Variants in CNBD1 observed in about 807,000 individuals in gnomAD.
The protein encoded by CNBD1 is cyclic nucleotide-binding domain-containing protein 1.
In CNBD1, 71 loss-of-function variants were observed where a neutral mutation model predicts 54.4. That is an observed-to-expected ratio of 1.30 (90% CI 1.08 to 1.59). The LOEUF is 1.59. CNBD1 is among the 40% of genes most tolerant of loss of function. The pLI, the probability that CNBD1 is intolerant of heterozygous loss-of-function variation, is 0.00. For missense variants in CNBD1, 659 were observed against 518.0 expected (o/e 1.27, Z -2.64); for synonymous variants, 182 against 170.7 (o/e 1.07, Z -0.51).
At chr8:86,919,300 T>G (rs1002351978) in intron 3 of CNBD1, among the ~76,000 whole-genome samples, 1 of 152,160 alleles carries the variant, frequency 6.6e-6, no homozygotes, top group African/African-American at 2.4e-5. Flanking sequence ...AACAGTTTAT[T>G]TGAGCAAAGA....
intron 6 of CNBD1, among the ~76,000 whole-genome samples, chr8:87,250,177 A>G (rs949893848): frequency 4.6e-5 from 7 of 152,232 alleles, no homozygotes; most frequent in Non-Finnish European, 8.8e-5. Flanking sequence ...CTGAATAGCC[A>G]TTTCTCGAAA....
chr8:87,021,026 A>G (rs1809477564), intron 4 of CNBD1, among the ~76,000 whole-genome samples: 1 of 152,198 alleles, frequency 6.6e-6, no homozygotes, highest in Non-Finnish European at 1.5e-5. Context: ...AAATTTCCCT[A>G]TAGCCTGGAA....
chr8:87,343,562 T>A (rs1810111823), intron 8 of CNBD1, among the ~76,000 whole-genome samples: 1 of 152,200 alleles, frequency 6.6e-6, no homozygotes, highest in East Asian at 1.9e-4. Flanking sequence ...AACTATACTC[T>A]TGTCAACATC....
At chr8:87,293,082 C>T (rs1425926339) in intron 8 of CNBD1, among the ~76,000 whole-genome samples, 1 of 152,088 alleles carries the variant, frequency 6.6e-6, no homozygotes, top group East Asian at 1.9e-4. Flanking sequence ...TTCATTCTAC[C>T]AATGGTCTCC....
chr8:86,887,731 G>A (rs1037007032), intron 2 of CNBD1, 120 bp downstream of exon 2: 15 of 674,506 alleles, frequency 2.2e-5, no homozygotes, highest in African/African-American at 1.8e-4. Flanking sequence ...TTATCACACA[G>A]ATAAAAACAG....
chr8:87,302,986 A>C (rs1011863849), intron 8 of CNBD1, among the ~76,000 whole-genome samples: 1 of 151,710 alleles, frequency 6.6e-6, no homozygotes, highest in South Asian at 2.1e-4. Context: ...GAAATAAAAG[A>C]GGATACAAAC....
intron 4 of CNBD1, among the ~76,000 whole-genome samples, chr8:87,079,878 A>G (rs1810950857): frequency 6.6e-6 from 1 of 152,144 alleles, no homozygotes; most frequent in Non-Finnish European, 1.5e-5. Context: ...TTTGTGTTGT[A>G]ATTAAGAAAT....
chr8:87,008,025 T>A (rs1809138004), intron 4 of CNBD1, among the ~76,000 whole-genome samples: 1 of 152,218 alleles, frequency 6.6e-6, no homozygotes, highest in Non-Finnish European at 1.5e-5. Flanking sequence ...ATTGTTTTCA[T>A]ACGGATTTTA....
intron 4 of CNBD1, among the ~76,000 whole-genome samples, chr8:87,098,661 T>A (rs1811363778): frequency 6.6e-6 from 1 of 152,012 alleles, no homozygotes; most frequent in African/African-American, 2.4e-5. Context: ...TTTGATTTAT[T>A]CATTTGTTAA....
intron 4 of CNBD1, among the ~76,000 whole-genome samples, chr8:87,059,138 C>T (rs770806788): frequency 4.6e-5 from 7 of 152,178 alleles, no homozygotes; most frequent in Non-Finnish European, 8.8e-5. Context: ...TTTCTCATCT[C>T]CATCTGAGAC....
intron 4 of CNBD1, among the ~76,000 whole-genome samples, chr8:87,188,976 G>C (rs948109466): frequency 1.3e-5 from 2 of 151,888 alleles, no homozygotes; most frequent in African/African-American, 4.8e-5. Flanking sequence ...ATTTCCAACA[G>C]AATGGTGTTC....
intron 2 of CNBD1, among the ~76,000 whole-genome samples, chr8:87,390,607 A>T (rs531528064): frequency 6.6e-6 from 1 of 152,152 alleles, no homozygotes; most frequent in Non-Finnish European, 1.5e-5. Context: ...GCTGGAGAGG[A>T]TGTGGAGAAA....
intron 6 of CNBD1, among the ~76,000 whole-genome samples, chr8:87,251,011 AG>A (rs1468777182): frequency 7.3e-6 from 1 of 137,416 alleles, no homozygotes; most frequent in African/African-American, 2.5e-5. Flanking sequence ...AAACAATAAA[AG>A]CTTGAGGTGA....
chr8:87,226,025 C>T (rs1195369235), intron 5 of CNBD1, among the ~76,000 whole-genome samples: 7 of 151,434 alleles, frequency 4.6e-5, no homozygotes, highest in African/African-American at 7.3e-5. Flanking sequence ...AGTTTATTTG[C>T]GTAGAGGTGT....
intron 6 of CNBD1, among the ~76,000 whole-genome samples, chr8:87,284,320 CAT>C (rs1384758903): frequency 1.3e-5 from 2 of 152,014 alleles, no homozygotes; most frequent in Non-Finnish European, 2.9e-5. Flanking sequence ...ATACTACCAA[CAT>C]GTGATAATAA....
chr8:87,243,539 A>G (rs1317398645), intron 6 of CNBD1, among the ~76,000 whole-genome samples: 1 of 152,156 alleles, frequency 6.6e-6, no homozygotes, highest in Non-Finnish European at 1.5e-5. Flanking sequence ...TCATTATCCA[A>G]CATTCTTCAC....
intron 2 of CNBD1, among the ~76,000 whole-genome samples, chr8:86,892,239 G>A (rs1808778778): frequency 6.6e-6 from 1 of 151,878 alleles, no homozygotes; most frequent in African/African-American, 2.4e-5. Flanking sequence ...TCCTTCTGTT[G>A]AGGGTTTTTA....
At chr8:87,351,576 TACTA>T (rs2130927949) in intron 8 of CNBD1, 105 bp from the exon 9 acceptor site, 1 of 1,027,082 alleles carries the variant, frequency 9.7e-7, no homozygotes, top group Admixed American at 4.0e-5. Context: ...TTAAGAAACT[TACTA>T]TTAATAGTTA....
chr8:87,012,364 A>G (rs1809241243), intron 4 of CNBD1, among the ~76,000 whole-genome samples: 1 of 152,202 alleles, frequency 6.6e-6, no homozygotes, highest in Non-Finnish European at 1.5e-5. Flanking sequence ...AATTCTCATC[A>G]GATGGGTTTT....
Sources: gnomAD v4.1 joint callset for allele counts (sites outside exome capture counted in the v4.1 genomes callset) on GRCh38, gnomAD v4.1.1 for gene constraint, MANE v1.5 for transcripts, NCBI Gene and HGNC (gene_info 2026-07-23, HGNC 2026-07-21) for gene names.